The following DPP6 variants were observed in gnomAD, a reference collection of about 807,000 sequenced individuals.
DPP6 encodes the protein dipeptidyl peptidase like 6.
In DPP6, 69 loss-of-function variants were observed where a neutral mutation model predicts 122.6. That is an observed-to-expected ratio of 0.56 (90% CI 0.46 to 0.69). The LOEUF is 0.69. Ranked by LOEUF, DPP6 falls within the 30% of genes least tolerant of loss-of-function variation. The pLI, the probability that DPP6 is intolerant of heterozygous loss-of-function variation, is 0.00. For synonymous variants in DPP6, 418 were observed against 433.1 expected (o/e 0.97, Z 0.43); for missense variants, 928 against 1,116.9 (o/e 0.83, Z 2.41).
At chr7:154,215,072 C>T (rs918848602) in intron 1 of DPP6, among the ~76,000 whole-genome samples, 1 of 152,134 alleles carries the variant, frequency 6.6e-6, no homozygotes, top group Non-Finnish European at 1.5e-5. Flanking sequence ...TATAAAGGTA[C>T]TACCTGAGAC....
chr7:154,388,090 C>T (rs1036745737), intron 1 of DPP6, among the ~76,000 whole-genome samples: 25 of 152,000 alleles, frequency 1.6e-4, no homozygotes, highest in African/African-American at 6.0e-4. Flanking sequence ...TCACTTGAGC[C>T]CAGAAGTTCA....
At chr7:154,715,004 A>G (rs190293038) in intron 7 of DPP6, among the ~76,000 whole-genome samples, 1 of 152,164 alleles carries the variant, frequency 6.6e-6, no homozygotes, top group East Asian at 1.9e-4. Flanking sequence ...TTTACCTGGT[A>G]GGCTCAGAAG....
intron 1 of DPP6, among the ~76,000 whole-genome samples, chr7:154,292,178 A>G (rs1352146863): frequency 6.6e-6 from 1 of 152,042 alleles, no homozygotes; most frequent in South Asian, 2.1e-4. Flanking sequence ...TCTGTTATCA[A>G]TAGTTTTATG....
the DPP6 span, among the ~76,000 whole-genome samples, chr7:153,754,232 A>AT: frequency 9.2e-5 from 14 of 152,096 alleles, no homozygotes; most frequent in Middle Eastern, 3.4e-3. Context: ...ATAGAAATGC[A>AT]TTTTTTTTTG....
chr7:154,111,993 G>T (rs1372224971), intron 1 of DPP6, among the ~76,000 whole-genome samples: 1 of 152,088 alleles, frequency 6.6e-6, no homozygotes, highest in Non-Finnish European at 1.5e-5. Flanking sequence ...CAGAGACTGG[G>T]TAACAGAAGC....
At chr7:153,989,769 C>T (rs1375669395) in intron 1 of DPP6, among the ~76,000 whole-genome samples, 2 of 151,938 alleles carry the variant, frequency 1.3e-5, no homozygotes, top group African/African-American at 4.8e-5. Context: ...AGGTTTGCCA[C>T]GTGTTATCCC....
At position 154,631,161 on chromosome 7, in the gene DPP6, C is replaced by T. The variant is rs551633238; in HGVS notation, c.628-6660C>T. Among the ~76,000 whole-genome samples the T allele has an allele frequency of 2.9e-4, 44 of 152,298 alleles. 1 individual carries two copies. The South Asian group carries it at 9.1e-3, about 32-fold the overall frequency. ...TGTCAGAAAGCAGAAATGATGGGGA[C>T]CTGCCAGACCAAGGCTTAGACCAGT... On this transcript the variant is annotated intron_variant, in intron 5 of 25. Transcript: ENST00000377770.
the DPP6 span, among the ~76,000 whole-genome samples, chr7:153,880,014 CTTAT>C: frequency 3.9e-5 from 6 of 152,052 alleles, no homozygotes; most frequent in African/African-American, 1.4e-4. Context: ...AGATTTTTGA[CTTAT>C]TTATCAACAA....
At chr7:154,445,839 G>A (rs912463073) in intron 1 of DPP6, among the ~76,000 whole-genome samples, 3 of 152,200 alleles carry the variant, frequency 2.0e-5, no homozygotes, top group East Asian at 1.9e-4. Flanking sequence ...TCCTAGTTGG[G>A]TTGGATTCAA....
At chr7:154,167,239 C>T (rs897149685) in intron 1 of DPP6, among the ~76,000 whole-genome samples, 3 of 152,166 alleles carry the variant, frequency 2.0e-5, no homozygotes, top group African/African-American at 4.8e-5. Context: ...GTGTGTGCTG[C>T]ATTGAGGAGA....
intron 8 of DPP6, among the ~76,000 whole-genome samples, chr7:154,744,593 A>G (rs1233296657): frequency 6.6e-6 from 1 of 152,202 alleles, no homozygotes; most frequent in African/African-American, 2.4e-5. Context: ...TAAAAGCTCC[A>G]TTTGCCTTCT....
At chr7:153,929,447 G>A (rs1801073181) in intron 1 of DPP6, among the ~76,000 whole-genome samples, 1 of 151,978 alleles carries the variant, frequency 6.6e-6, no homozygotes, top group African/African-American at 2.4e-5. Flanking sequence ...TGATGTCCTG[G>A]GAAGTTGAAT....
At chr7:154,233,415 C>G (rs1801023116) in intron 1 of DPP6, among the ~76,000 whole-genome samples, 1 of 152,168 alleles carries the variant, frequency 6.6e-6, no homozygotes, top group African/African-American at 2.4e-5. Flanking sequence ...AAATGGTGCC[C>G]ACCCGAAATT....
intron 16 of DPP6, among the ~76,000 whole-genome samples, chr7:154,823,405 T>A (rs188297700): frequency 3.5e-4 from 53 of 152,302 alleles, no homozygotes; most frequent in African/African-American, 1.2e-3. Context: ...TATGCAATTT[T>A]ACACCCTATA....
At chr7:154,490,801 TC>T (rs1408482337) in intron 3 of DPP6, among the ~76,000 whole-genome samples, 2 of 152,208 alleles carry the variant, frequency 1.3e-5, no homozygotes, top group African/African-American at 4.8e-5. Flanking sequence ...GCACATTTAT[TC>T]AGACCCTGAG....
Position 154,163,154 on chromosome 7 carries a change from G to A in DPP6, c.243+110091G>A, listed in dbSNP as rs556893325. On this transcript the variant is annotated intron_variant, in intron 1 of 25. Coordinates refer to ENST00000377770, the MANE Select transcript of DPP6 (RefSeq NM_130797.4). ...GGAACTTGACACCCAGAATTTATGC[G>A]TTGCTAGTGTTGAGTGGAACTCTAC... is the stretch of plus-strand genomic sequence containing the variant. Among the ~76,000 whole-genome samples, 21 of 151,540 alleles carry A rather than the reference G, an allele frequency of 1.4e-4. No homozygotes were observed. In the East Asian group the frequency reaches 2.7e-3, roughly 20 times the overall value.
At chr7:154,227,155 G>T (rs1800652881) in intron 1 of DPP6, among the ~76,000 whole-genome samples, 1 of 148,512 alleles carries the variant, frequency 6.7e-6, no homozygotes. Context: ...ATTCACAATA[G>T]CTGAGATGTG....
intron 1 of DPP6, among the ~76,000 whole-genome samples, chr7:153,909,137 T>C (rs1799968945): frequency 1.3e-5 from 2 of 152,236 alleles, no homozygotes; most frequent in African/African-American, 2.4e-5. Context: ...ATTTTAATTC[T>C]TTATTTTTGT....
chr7:153,851,896 G>A, the DPP6 span, among the ~76,000 whole-genome samples: 18 of 152,082 alleles, frequency 1.2e-4, 1 homozygote, highest in Admixed American at 9.8e-4. Context: ...TACATTTTAC[G>A]TATATCAAAT....
Sources: gnomAD v4.1 joint callset for allele counts (sites outside exome capture counted in the v4.1 genomes callset) on GRCh38, gnomAD v4.1.1 for gene constraint, MANE v1.5 for transcripts, NCBI Gene and HGNC (gene_info 2026-07-23, HGNC 2026-07-21) for gene names.